The following TENM3 variants were observed in gnomAD, a reference collection of about 807,000 sequenced individuals.
TENM3 encodes teneurin-3.
A neutral mutation model predicts 255.1 loss-of-function variants in TENM3; 63 were observed. That is an observed-to-expected ratio of 0.25 (90% CI 0.20 to 0.30). TENM3 has a LOEUF of 0.30. TENM3 is among the 10% of genes least tolerant of loss of function. The pLI, the probability that TENM3 is intolerant of heterozygous loss-of-function variation, is 1.00. For synonymous variants in TENM3, 1,306 were observed against 1,322.3 expected (o/e 0.99, Z 0.27); for missense variants, 2,929 against 3,461.1 (o/e 0.85, Z 3.86).
the TENM3 span, among the ~76,000 whole-genome samples, chr4:181,881,488 T>C: frequency 2.0e-5 from 3 of 152,112 alleles, no homozygotes; most frequent in Non-Finnish European, 4.4e-5. Context: ...AAAAGTGATA[T>C]TTGAAGTTAG....
rs3071526 is a variant in TENM3 at position 182,217,009 on chromosome 4, C to CTTTTTTTTT, written c.-76+72278_-76+72286dup. 4.1e-3 allele frequency among the ~76,000 whole-genome samples: 274 copies of CTTTTTTTTT among 67,552 alleles called. 1 individual carries two copies. Among genetic ancestry groups the CTTTTTTTTT allele is most frequent in the Non-Finnish European group, 5.1e-3 (192 of 37,992 alleles). The allele number at this position is 67,552 out of a possible 152,430, so 44.3% of individuals were successfully genotyped here. A position where few individuals can be genotyped will look rare whatever the true frequency, so the allele number is the denominator to read the frequency against. ...TCTAAATTTCACCATCATTTTCTTT[C>CTTTTTTTTT]TTTTTTTTTTTTTTTTTTTTTTTTT... On this transcript the variant is annotated intron_variant, in intron 1 of 2. Transcript: ENST00000512480.
At chr4:181,832,159 T>C in the TENM3 span, among the ~76,000 whole-genome samples, 1 of 152,096 alleles carries the variant, frequency 6.6e-6, no homozygotes, top group Admixed American at 6.6e-5. Context: ...CATACCACAT[T>C]ATGAACTCAG....
At chr4:182,129,239 T>G in the TENM3 span, among the ~76,000 whole-genome samples, 1 of 152,216 alleles carries the variant, frequency 6.6e-6, no homozygotes, top group Non-Finnish European at 1.5e-5. Flanking sequence ...TATAAATGAT[T>G]TGAATTACTA....
the TENM3 span, among the ~76,000 whole-genome samples, chr4:182,134,327 T>C: frequency 3.9e-5 from 6 of 152,172 alleles, no homozygotes; most frequent in African/African-American, 1.4e-4. Context: ...CAGAGCTCCA[T>C]TAAGCCAGGA....
chr4:182,164,300 A>G (rs1213327365), intron 1 of TENM3, among the ~76,000 whole-genome samples: 1 of 152,202 alleles, frequency 6.6e-6, no homozygotes, highest in Non-Finnish European at 1.5e-5. Flanking sequence ...GGAACTGTCC[A>G]TCAAGTTACC....
chr4:182,764,367 C>T (rs1763489744), intron 22 of TENM3, among the ~76,000 whole-genome samples: 1 of 152,210 alleles, frequency 6.6e-6, no homozygotes, highest in Non-Finnish European at 1.5e-5. Flanking sequence ...ACATTCCCTG[C>T]TCTCAAGGAG....
chr4:182,202,314 T>TTC (rs1206608617), intron 1 of TENM3, among the ~76,000 whole-genome samples: 1 of 149,146 alleles, frequency 6.7e-6, no homozygotes, highest in African/African-American at 2.5e-5. Flanking sequence ...TTTTTTTTTT[T>TTC]TTTTTTTTGA....
At chr4:182,021,724 T>C in the TENM3 span, among the ~76,000 whole-genome samples, 1 of 152,138 alleles carries the variant, frequency 6.6e-6, no homozygotes, top group East Asian at 1.9e-4. Context: ...GCCCAATATT[T>C]GATGAATAAA....
At chr4:181,551,539 C>G in the TENM3 span, among the ~76,000 whole-genome samples, 1 of 152,140 alleles carries the variant, frequency 6.6e-6, no homozygotes, top group African/African-American at 2.4e-5. Context: ...ACCACTGGCA[C>G]TTTTCCTGGG....
the TENM3 span, among the ~76,000 whole-genome samples, chr4:182,130,278 A>G: frequency 6.6e-6 from 1 of 152,358 alleles, no homozygotes; most frequent in East Asian, 1.9e-4. Context: ...AGTAATTTGT[A>G]TAGGTGAACG....
intron 16 of TENM3, among the ~76,000 whole-genome samples, chr4:182,732,852 C>T (rs1442922654): frequency 6.6e-6 from 1 of 152,100 alleles, no homozygotes; most frequent in Non-Finnish European, 1.5e-5. Flanking sequence ...TCATAATAGA[C>T]TGTATTCGTA....
chr4:182,007,546 C>T, the TENM3 span, among the ~76,000 whole-genome samples: 9 of 151,914 alleles, frequency 5.9e-5, no homozygotes, highest in East Asian at 1.7e-3. Context: ...GGATTGCAAC[C>T]CCTGCTTTAT....
intron 2 of TENM3, among the ~76,000 whole-genome samples, chr4:182,328,619 G>T (rs1446277053): frequency 5.3e-5 from 8 of 152,172 alleles, no homozygotes; most frequent in African/African-American, 1.9e-4. Flanking sequence ...GAAGAAGGAA[G>T]GCAGTTTGAG....
the TENM3 span, among the ~76,000 whole-genome samples, chr4:181,592,165 G>A: frequency 6.6e-6 from 1 of 151,730 alleles, no homozygotes; most frequent in East Asian, 1.9e-4. Flanking sequence ...TTGCGTGGGT[G>A]CATACATAAT....
At chr4:181,810,506 C>T in the TENM3 span, among the ~76,000 whole-genome samples, 2 of 152,016 alleles carry the variant, frequency 1.3e-5, no homozygotes, top group Admixed American at 1.3e-4. Flanking sequence ...TATGTTTCTG[C>T]TGTAATAGGT....
intron 19 of TENM3, chr4:182,744,170 A>C (rs1167394570): frequency 6.4e-6 from 6 of 933,358 alleles, no homozygotes; most frequent in Non-Finnish European, 7.7e-6. Context: ...ATAGGTAAGC[A>C]TCTTACCTTA....
chr4:182,659,490 A>C (rs1199730575), intron 6 of TENM3, among the ~76,000 whole-genome samples: 1 of 152,218 alleles, frequency 6.6e-6, no homozygotes. Context: ...CCAGGCATCC[A>C]CTGGGGATCT....
the TENM3 span, among the ~76,000 whole-genome samples, chr4:181,802,513 T>C: frequency 1.3e-5 from 2 of 152,206 alleles, no homozygotes; most frequent in African/African-American, 4.8e-5. Flanking sequence ...TCAGAATGAT[T>C]TATTTTTAAA....
At chr4:181,515,894 A>G in the TENM3 span, among the ~76,000 whole-genome samples, 34 of 152,320 alleles carry the variant, frequency 2.2e-4, no homozygotes, top group African/African-American at 7.9e-4. Context: ...ATACATGCAT[A>G]CTTATGTTCA....
Sources: allele counts gnomAD v4.1 joint callset (sites outside exome capture counted in the v4.1 genomes callset), GRCh38; gene constraint gnomAD v4.1.1; transcripts MANE v1.5; gene names NCBI Gene and HGNC (gene_info 2026-07-23, HGNC 2026-07-21).